KLHL1: variants seen among roughly 807,000 people sequenced by gnomAD.
KLHL1 encodes kelch like family member 1.
Under a neutral mutation model 77.7 loss-of-function variants are expected in KLHL1, and 47 were observed. The observed-to-expected ratio is 0.60, with a 90% CI of 0.48 to 0.77. KLHL1 has a LOEUF of 0.77. KLHL1 is among the 30% of genes least tolerant of loss of function. The probability of loss-of-function intolerance (pLI) is 0.00; values close to 1 mark genes in which losing one functional copy is unlikely to be tolerated. For missense variants in KLHL1, 925 were observed against 910.8 expected (o/e 1.02, Z -0.20); for synonymous variants, 360 against 325.2 (o/e 1.11, Z -1.15).
intron 4 of KLHL1, among the ~76,000 whole-genome samples, chr13:69,939,837 A>G (rs561326302): frequency 6.6e-6 from 1 of 152,308 alleles, no homozygotes; most frequent in South Asian, 2.1e-4. Flanking sequence ...TAAATCCACA[A>G]AAGAACAATA....
rs1249866631 is a variant in KLHL1 at position 69,838,975 on chromosome 13, C to A, written c.1414+1G>T. ...AGTTATATAAATCCAGAATTAAATA[C>A]CTTTGTTGTTATCCATTCCTCCTAC... On this transcript the variant is annotated splice_donor_variant, in intron 6 of 10. Transcript: ENST00000377844. LOFTEE classifies it high-confidence loss of function. 1.3e-6 allele frequency: 2 copies of A among 1,596,310 alleles called. No homozygotes were observed. Among genetic ancestry groups the A allele is most frequent in the Admixed American group, 1.7e-5 (1 of 58,060 alleles).
chr13:69,815,132 GAAA>G (rs1837869323), intron 6 of KLHL1, among the ~76,000 whole-genome samples: 2 of 152,202 alleles, frequency 1.3e-5, no homozygotes, highest in South Asian at 4.1e-4. Context: ...AGTCCTTACA[GAAA>G]GCAGTTATTA....
chr13:69,974,585 A>G (rs1391003845), intron 2 of KLHL1, among the ~76,000 whole-genome samples: 3 of 151,968 alleles, frequency 2.0e-5, no homozygotes, highest in East Asian at 3.8e-4. Context: ...ATCTTTTTAA[A>G]AAATTAATGA....
At chr13:69,813,380 G>A (rs1352240705) in intron 6 of KLHL1, among the ~76,000 whole-genome samples, 1 of 151,712 alleles carries the variant, frequency 6.6e-6, no homozygotes, top group Non-Finnish European at 1.5e-5. Flanking sequence ...TGTAAATAAC[G>A]AGTTAATGGG....
In KLHL1 at chr13:69,910,147, C is replaced by T. The variant is rs184302807; in HGVS notation, c.1015-27652G>A. Among the ~76,000 whole-genome samples the T allele has an allele frequency of 1.5e-3, 227 of 152,114 alleles. 1 individual carries two copies. The highest frequency in any genetic ancestry group is 6.8e-3 in the Middle Eastern group (2 of 294). On this transcript the variant is annotated intron_variant, in intron 4 of 10. Coordinates refer to ENST00000377844, the MANE Select transcript of KLHL1 (RefSeq NM_020866.3). The stretch of plus-strand genomic sequence containing the variant: ...GCTTCACGAATTCCTTATGTTTGCA[C>T]AACACTTGGCATATGGTCAGTGCAC...
chr13:70,031,656 G>A (rs1566515793), intron 1 of KLHL1, among the ~76,000 whole-genome samples: 1 of 152,068 alleles, frequency 6.6e-6, no homozygotes, highest in Admixed American at 6.6e-5. Flanking sequence ...GAGCAGGATG[G>A]GGGTAAGCTA....
intron 7 of KLHL1, among the ~76,000 whole-genome samples, chr13:69,746,986 G>C (rs1378004183): frequency 6.6e-6 from 1 of 152,048 alleles, no homozygotes; most frequent in Non-Finnish European, 1.5e-5. Context: ...CTAGCTGCCA[G>C]ATTTCACTTT....
rs565915288 is a variant in KLHL1, at chr13:69,807,533, C to T, written c.1415-10571G>A. On this transcript the variant is annotated intron_variant, in intron 6 of 10. Transcript: ENST00000377844. ...GTTGTTAGACTGAGACATGAGCAAACCACACTCCCCATGTAGTTCACCTGA... is the reference window on the plus strand; with the variant it reads ...GTTGTTAGACTGAGACATGAGCAAATCACACTCCCCATGTAGTTCACCTGA... Among the ~76,000 whole-genome samples, 7 of 152,258 alleles carry T rather than the reference C, an allele frequency of 4.6e-5. No individual in the cohort carries two copies. In the South Asian group the frequency reaches 1.5e-3, roughly 32 times the overall value.
At chr13:69,750,754 GA>G (rs1874441537) in intron 7 of KLHL1, among the ~76,000 whole-genome samples, 1 of 151,828 alleles carries the variant, frequency 6.6e-6, no homozygotes, top group Admixed American at 6.6e-5. Context: ...GTAGCATTAA[GA>G]TTTTTTTGCT....
chr13:70,084,282 A>G (rs533483116), intron 1 of KLHL1, among the ~76,000 whole-genome samples: 4 of 152,274 alleles, frequency 2.6e-5, no homozygotes, highest in Non-Finnish European at 5.9e-5. Flanking sequence ...TAAGTACTTT[A>G]TAACTATACC....
chr13:70,021,581 C>T (rs1484671781), intron 1 of KLHL1, among the ~76,000 whole-genome samples: 1 of 152,044 alleles, frequency 6.6e-6, no homozygotes, highest in African/African-American at 2.4e-5. Context: ...TTGTAAGCAT[C>T]TGCCAAACTG....
chr13:69,828,567 A>G (rs1878636321), intron 6 of KLHL1, among the ~76,000 whole-genome samples: 1 of 150,198 alleles, frequency 6.7e-6, no homozygotes, highest in African/African-American at 2.5e-5. Context: ...TGGGAAGTAC[A>G]GGCCATAGGA....
At chr13:69,970,436 T>C (rs907326864) in intron 2 of KLHL1, among the ~76,000 whole-genome samples, 1 of 152,120 alleles carries the variant, frequency 6.6e-6, no homozygotes, top group African/African-American at 2.4e-5. Flanking sequence ...GTAAAATCCA[T>C]CTTTCTCTTT....
intron 4 of KLHL1, among the ~76,000 whole-genome samples, chr13:69,884,245 T>C (rs1881110521): frequency 6.6e-6 from 1 of 152,190 alleles, no homozygotes; most frequent in Non-Finnish European, 1.5e-5. Flanking sequence ...ATACAATTTG[T>C]AAATAATGTC....
intron 4 of KLHL1, among the ~76,000 whole-genome samples, chr13:69,921,145 T>C (rs930472142): frequency 1.3e-5 from 2 of 152,194 alleles, no homozygotes; most frequent in African/African-American, 4.8e-5. Context: ...ATAATAGCAT[T>C]TTCTTTAGAA....
In KLHL1 at chr13:70,072,818, T is replaced by C. The variant is rs1402429647; in HGVS notation, c.497+34385A>G. ...TTTCAACTTGGTAAAAAACTTTTAT[T>C]TAAAAAAAAACTACACCTAGGATCA... is the stretch of plus-strand genomic sequence containing the variant. On this transcript the variant is annotated intron_variant, in intron 1 of 10. Coordinates refer to ENST00000377844, the MANE Select transcript of KLHL1 (RefSeq NM_020866.3). Among the ~76,000 whole-genome samples, 7 of 152,056 alleles carry C rather than the reference T, an allele frequency of 4.6e-5. 1 individual carries two copies. Among genetic ancestry groups the C allele is most frequent in the African/African-American group, 1.5e-4 (6 of 41,368 alleles).
rs113431726 is a variant in KLHL1 at position 70,079,331 on chromosome 13, C to T, written c.497+27872G>A. ...CCAGCATGGCATTTACCAATTGTTA[C>T]AGTTCAAAGTTCCCCAGGTAATTCT... On this transcript the variant is annotated intron_variant, in intron 1 of 10. Transcript: ENST00000377844. Among the ~76,000 whole-genome samples the T allele has an allele frequency of 7.1e-3, 1,074 of 152,242 alleles. 12 individuals are homozygous for T. The highest frequency in any genetic ancestry group is 0.024 in the African/African-American group (986 of 41,554).
intron 1 of KLHL1, among the ~76,000 whole-genome samples, chr13:69,984,012 G>T (rs960388070): frequency 2.0e-5 from 3 of 152,032 alleles, no homozygotes; most frequent in Non-Finnish European, 2.9e-5. Context: ...ACTAAAAATA[G>T]GTTAGAGTCT....
At chr13:69,823,992 ATG>A (rs918370977) in intron 6 of KLHL1, among the ~76,000 whole-genome samples, 14 of 151,982 alleles carry the variant, frequency 9.2e-5, no homozygotes, top group African/African-American at 2.9e-4. Flanking sequence ...GTGTATATAT[ATG>A]TATATGTGCA....
Sources: gnomAD v4.1 joint callset for allele counts (sites outside exome capture counted in the v4.1 genomes callset) on GRCh38, gnomAD v4.1.1 for gene constraint, MANE v1.5 for transcripts, NCBI Gene and HGNC (gene_info 2026-07-23, HGNC 2026-07-21) for gene names.